The following ADAM22 variants were observed in gnomAD, a reference collection of about 807,000 sequenced individuals.
The protein encoded by ADAM22 is disintegrin and metalloproteinase domain-containing protein 22.
A neutral mutation model predicts 144.6 loss-of-function variants in ADAM22; 65 were observed. That is an observed-to-expected ratio of 0.45 (90% CI 0.37 to 0.55). The LOEUF (loss-of-function observed/expected upper bound fraction) is 0.55. Ranked by LOEUF, ADAM22 falls within the 20% of genes least tolerant of loss-of-function variation. The pLI is 0.00. For missense variants in ADAM22, 974 were observed against 1,184.9 expected, an observed-to-expected ratio of 0.82 and a Z score of 2.61; for synonymous variants, 391 against 412.6, an observed-to-expected ratio of 0.95 and a Z score of 0.63.
intron 3 of ADAM22, among the ~76,000 whole-genome samples, chr7:87,982,701 T>TATATATATATATGTATATATAA (rs1554373733): frequency 1.2e-4 from 4 of 33,802 alleles, no homozygotes; most frequent in African/African-American, 3.9e-4. Context: ...ATATATATAA[T>TATATATATATATGTATATATAA]TTTTTTTTTT....
At chr7:87,935,526 T>C (rs555822811) in intron 2 of ADAM22, among the ~76,000 whole-genome samples, 10 of 152,256 alleles carry the variant, frequency 6.6e-5, no homozygotes, top group African/African-American at 2.2e-4. Context: ...TGGGCAGGGT[T>C]TGAATCATCA....
At chr7:87,995,031 C>A (rs1021480981) in intron 3 of ADAM22, among the ~76,000 whole-genome samples, 2 of 151,892 alleles carry the variant, frequency 1.3e-5, no homozygotes, top group Non-Finnish European at 2.9e-5. Flanking sequence ...GGGGTTTCAC[C>A]GTGGTCTCGA....
intron 3 of ADAM22, among the ~76,000 whole-genome samples, chr7:88,011,316 C>T (rs926068375): frequency 2.0e-5 from 3 of 152,134 alleles, no homozygotes; most frequent in South Asian, 2.1e-4. Flanking sequence ...CCGAGGCGGG[C>T]GGATCACAAG....
chr7:88,148,457 A>G (rs1181941254), intron 17 of ADAM22, among the ~76,000 whole-genome samples: 1 of 152,190 alleles, frequency 6.6e-6, no homozygotes, highest in Non-Finnish European at 1.5e-5. Flanking sequence ...CTTAAATAAT[A>G]GAAACACTAG....
At chr7:88,173,120 A>G (rs1844752744) in intron 26 of ADAM22, among the ~76,000 whole-genome samples, 1 of 152,060 alleles carries the variant, frequency 6.6e-6, no homozygotes, top group Non-Finnish European at 1.5e-5. Context: ...GAATAAGGGA[A>G]TTGCCCACAC....
At chr7:88,132,846 T>A in intron 11 of ADAM22, 21 bp from the exon 12 acceptor site, 7 of 1,609,232 alleles carry the variant, frequency 4.3e-6, no homozygotes, top group Non-Finnish European at 6.0e-6. Context: ...AGTAAGCATT[T>A]TTCATTTCCT....
At chr7:88,024,927 A>G (rs1798671560) in intron 3 of ADAM22, among the ~76,000 whole-genome samples, 2 of 152,142 alleles carry the variant, frequency 1.3e-5, no homozygotes, top group Admixed American at 6.5e-5. Context: ...TATATGTGCC[A>G]TATTTCCTTA....
intron 4 of ADAM22, among the ~76,000 whole-genome samples, chr7:88,089,266 A>G (rs1819215862): frequency 1.3e-5 from 2 of 152,114 alleles, no homozygotes; most frequent in African/African-American, 4.8e-5. Flanking sequence ...AAATATATAT[A>G]TAAAAAAAGA....
intron 3 of ADAM22, among the ~76,000 whole-genome samples, chr7:88,007,771 C>T (rs1228518493): frequency 2.6e-5 from 4 of 152,226 alleles, no homozygotes; most frequent in Non-Finnish European, 4.4e-5. Context: ...AAGACTTAAA[C>T]GTTAGACCTA....
chr7:88,041,459 A>T (rs1454566309), intron 3 of ADAM22, among the ~76,000 whole-genome samples: 1 of 151,642 alleles, frequency 6.6e-6, no homozygotes, highest in Non-Finnish European at 1.5e-5. Context: ...TATATTTTAT[A>T]TATATAAAAA....
chr7:88,141,326 G>A (rs190528574), intron 14 of ADAM22, among the ~76,000 whole-genome samples: 1 of 152,308 alleles, frequency 6.6e-6, no homozygotes, highest in Non-Finnish European at 1.5e-5. Context: ...GGAAGTAAAG[G>A]AGTTCAGACA....
intron 8 of ADAM22, among the ~76,000 whole-genome samples, chr7:88,127,117 G>C (rs578151771): frequency 6.6e-6 from 1 of 151,644 alleles, no homozygotes; most frequent in East Asian, 1.9e-4. Context: ...TATATGAATA[G>C]GTAAAGACAT....
intron 30 of ADAM22, among the ~76,000 whole-genome samples, chr7:88,187,802 T>C (rs1848651374): frequency 6.6e-6 from 1 of 152,168 alleles, no homozygotes. Flanking sequence ...TAGTTATGCA[T>C]AGTTTGAGAA....
chr7:88,005,529 A>G (rs1793603461), intron 3 of ADAM22, among the ~76,000 whole-genome samples: 1 of 152,196 alleles, frequency 6.6e-6, no homozygotes, highest in South Asian at 2.1e-4. Flanking sequence ...TTGTATCAGT[A>G]TATTGACAGG....
chr7:88,063,777 T>C (rs1008319541), intron 3 of ADAM22, among the ~76,000 whole-genome samples: 1 of 152,208 alleles, frequency 6.6e-6, no homozygotes. Flanking sequence ...GACAGACTTA[T>C]TACTAGCCAT....
Position 88,163,090 on chromosome 7 carries a change from G to A in ADAM22, c.1986G>A (p.Met662Ile). The change falls in exon 23 of 32, where the codon ATG (methionine) becomes ATA (isoleucine). Residue 662 changes from methionine (M) to isoleucine (I), a missense_variant. Transcript: ENST00000413139. ...GGACACCTTGTGGTCCCCAAATGAT[G>A]TGCTTAGAACACAGGTGTCTTCCTG... Reference protein sequence around the residue: ...EDGTPCGPQMMCLEHRCLPVA... With the variant: ...EDGTPCGPQMICLEHRCLPVA... The A allele has an allele frequency of 6.2e-7, 1 of 1,612,260 alleles. No individual in the cohort carries two copies. Among genetic ancestry groups the A allele is most frequent in the Non-Finnish European group, 8.5e-7 (1 of 1,179,022 alleles).
At chr7:88,099,456 C>T (rs971341132) in intron 4 of ADAM22, among the ~76,000 whole-genome samples, 3 of 152,140 alleles carry the variant, frequency 2.0e-5, no homozygotes, top group Admixed American at 1.3e-4. Flanking sequence ...ATTTAGGAAA[C>T]CTGAATCCTT....
intron 3 of ADAM22, among the ~76,000 whole-genome samples, chr7:87,983,785 T>G (rs747132429): frequency 1.3e-5 from 2 of 152,258 alleles, no homozygotes; most frequent in East Asian, 1.9e-4. Flanking sequence ...TGAGAGCTAG[T>G]CTTTATTGTG....
intron 2 of ADAM22, among the ~76,000 whole-genome samples, chr7:87,946,451 C>T (rs1843692070): frequency 6.6e-6 from 1 of 152,124 alleles, no homozygotes; most frequent in African/African-American, 2.4e-5. Context: ...TTTCTCAAGG[C>T]CGATTTCCAG....
Sources: gnomAD v4.1 joint callset for allele counts (sites outside exome capture counted in the v4.1 genomes callset) on GRCh38, gnomAD v4.1.1 for gene constraint, MANE v1.5 for transcripts, NCBI Gene and HGNC (gene_info 2026-07-23, HGNC 2026-07-21) for gene names.